Variants in CLPTM1L observed in about 807,000 individuals in gnomAD.
The protein encoded by CLPTM1L is CLPTM1 like.
Under a neutral mutation model 70.9 loss-of-function variants are expected in CLPTM1L, and 38 were observed. The observed-to-expected ratio is 0.54, with a 90% CI of 0.41 to 0.70. CLPTM1L has a LOEUF of 0.70. Ranked by LOEUF, CLPTM1L falls within the 30% of genes least tolerant of loss-of-function variation. CLPTM1L has a pLI of 0.00. For missense variants in CLPTM1L, 652 were observed against 705.9 expected (o/e 0.92, Z 0.87); for synonymous variants, 339 against 299.9 (o/e 1.13, Z -1.35).
intron 16 of CLPTM1L, among the ~76,000 whole-genome samples, chr5:1,319,337 C>T: frequency 9.9e-6 from 1 of 101,172 alleles, no homozygotes; most frequent in Non-Finnish European, 1.8e-5. Flanking sequence ...CGTGCAGGGG[C>T]TGCACGAGAC....
At chr5:1,330,440 C>T in intron 8 of CLPTM1L, 57 bp from the exon 9 acceptor site, 1 of 1,438,754 alleles carries the variant, frequency 7.0e-7, no homozygotes, top group Non-Finnish European at 9.8e-7. Flanking sequence ...ACCTGTGTTC[C>T]CCAAGTCACA....
At chr5:1,327,252 A>G (rs1173622765) in intron 9 of CLPTM1L, among the ~76,000 whole-genome samples, 21 of 125,510 alleles carry the variant, frequency 1.7e-4, no homozygotes, top group Non-Finnish European at 2.2e-4. Flanking sequence ...TCCTCGACAG[A>G]CACATTCCAT....
intron 4 of CLPTM1L, chr5:1,338,406 G>T (rs933777960): frequency 2.8e-5 from 7 of 252,754 alleles, no homozygotes; most frequent in South Asian, 1.1e-4. Context: ...TGGCGCAGGA[G>T]TTGGGGGGGG....
rs369245118 is a variant in CLPTM1L, at chr5:1,320,554, C to G, written c.1532+62G>C. 24 of 883,964 alleles carry G rather than the reference C, an allele frequency of 2.7e-5. No individual in the cohort carries two copies. The East Asian group carries it at 6.9e-4, about 25-fold the overall frequency. 54.8% of individuals were successfully genotyped at this position (883,964 alleles called of 1,614,324 possible). A position where few individuals can be genotyped will look rare whatever the true frequency, so the allele number is the denominator to read the frequency against. On this transcript the variant is annotated intron_variant, in intron 16 of 16. Coordinates refer to ENST00000320895, the MANE Select transcript of CLPTM1L (RefSeq NM_030782.5). The stretch of plus-strand genomic sequence containing the variant: ...CAGGGTGCGGTGAAAGCCGTCATTC[C>G]GTTCAGCAGCAGCCACGCCGCTGAG...
Position 1,337,997 on chromosome 5 carries a change from C to T in CLPTM1L, c.600-15G>A. 6.3e-7 allele frequency: 1 copy of T among 1,595,122 alleles called. No individual in the cohort carries two copies. The highest frequency in any genetic ancestry group is 8.5e-7 in the Non-Finnish European group (1 of 1,171,172). The stretch of plus-strand genomic sequence containing the variant: ...CCAGCTGGATCCTGGGATTAAAGCA[C>T]AACTTTCCAAAGTCAGCACCAAGGC... On this transcript the variant is annotated splice_polypyrimidine_tract_variant and intron_variant, in intron 4 of 16. Transcript: ENST00000320895.
chr5:1,339,036 T>A, intron 3 of CLPTM1L, 31 bp from the exon 4 acceptor site: 5 of 1,604,178 alleles, frequency 3.1e-6, no homozygotes, highest in Non-Finnish European at 4.3e-6. Context: ...AGGCCAATGC[T>A]GGGACAGAAA....
chr5:1,321,499 CAATATTCTTCAATGAAAGGG>C, intron 15 of CLPTM1L, 116 bp downstream of exon 15: 1 of 774,854 alleles, frequency 1.3e-6, no homozygotes, highest in South Asian at 1.6e-5. Context: ...GGAGCCTCCT[CAATATTCTTCAATGAAAGGG>C]ACAGGTGCAG....
intron 10 of CLPTM1L, 69 bp from the exon 11 acceptor site, chr5:1,324,882 T>A: frequency 7.0e-7 from 1 of 1,419,904 alleles, no homozygotes; most frequent in South Asian, 1.1e-5. Flanking sequence ...GAGCTGTGAC[T>A]AAGGGGCGTC....
intron 9 of CLPTM1L, among the ~76,000 whole-genome samples, chr5:1,327,784 CCCAGCTCCTCCTCTACAGACACATTCCAT>C (rs1561235836): frequency 2.2e-4 from 23 of 104,256 alleles, no homozygotes; most frequent in African/African-American, 6.5e-4. Flanking sequence ...GGACATTCCA[CCCAGCTCCTCCTCTACAGACACATTCCAT>C]CCAGCTCCTC....
intron 5 of CLPTM1L, among the ~76,000 whole-genome samples, chr5:1,336,294 T>C (rs1345609920): frequency 6.6e-6 from 1 of 152,184 alleles, no homozygotes; most frequent in African/African-American, 2.4e-5. Context: ...CTCTCGAATC[T>C]GGCCCCAAGT....
intron 6 of CLPTM1L, 23 bp from the exon 7 acceptor site, chr5:1,334,406 C>G (rs543054253): frequency 6.9e-6 from 10 of 1,443,060 alleles, no homozygotes; most frequent in Non-Finnish European, 9.7e-6. Context: ...AAAAAACATA[C>G]AATATAAAAC....
At chr5:1,343,637 G>C (rs1189043956) in intron 2 of CLPTM1L, among the ~76,000 whole-genome samples, 1 of 152,182 alleles carries the variant, frequency 6.6e-6, no homozygotes, top group African/African-American at 2.4e-5. Flanking sequence ...ACTGGCTTGA[G>C]GTCACAGGCC....
intron 7 of CLPTM1L, among the ~76,000 whole-genome samples, chr5:1,333,057 T>G: frequency 9.1e-6 from 1 of 109,596 alleles, no homozygotes; most frequent in African/African-American, 3.8e-5. Context: ...ACACACCGGA[T>G]GAGGATAAGG....
At position 1,318,750 on chromosome 5, in the gene CLPTM1L, G is replaced by A. The variant is rs900654507; in HGVS notation, c.1533-297C>T. On this transcript the variant is annotated intron_variant, in intron 16 of 16. Coordinates refer to ENST00000320895, the MANE Select transcript of CLPTM1L (RefSeq NM_030782.5). The surrounding 1 kb of genome is among the most constrained non-coding windows in gnomAD (Gnocchi z 8.9). ...TGAAGGGGGGACCCGGAGGCTGCACGGGCTGCCTTCTGGGAACGGTGGCAT... is the reference window on the plus strand; with the variant it reads ...TGAAGGGGGGACCCGGAGGCTGCACAGGCTGCCTTCTGGGAACGGTGGCAT... Among the ~76,000 whole-genome samples, 4 of 152,086 alleles carry A rather than the reference G, an allele frequency of 2.6e-5. No individual in the cohort carries two copies. Among genetic ancestry groups the A allele is most frequent in the African/African-American group, 7.2e-5 (3 of 41,398 alleles).
intron 15 of CLPTM1L, 124 bp from the exon 16 acceptor site, chr5:1,320,855 G>C: frequency 1.8e-6 from 1 of 565,726 alleles, no homozygotes; most frequent in East Asian, 3.2e-5. Context: ...ACTCCTCACA[G>C]CAACAACAAA....
chr5:1,334,651 G>T lies in CLPTM1L; in HGVS notation c.797-268C>A, dbSNP rs190939351. Among the ~76,000 whole-genome samples the T allele has an allele frequency of 2.5e-3, 375 of 152,160 alleles. 2 individuals carry two copies. Among genetic ancestry groups the T allele is most frequent in the Admixed American group, 6.0e-3 (91 of 15,284 alleles). ...CGCCTGTAATCCTAGCTACTGGGGG[G>T]ACTGAGGAACGAGAATCGCTTGAAT... is the stretch of plus-strand genomic sequence containing the variant. On this transcript the variant is annotated intron_variant, in intron 6 of 16. Coordinates refer to ENST00000320895, the MANE Select transcript of CLPTM1L (RefSeq NM_030782.5).
chr5:1,333,699 A>AGGGGGGACTACTGTATACACACCGGCT (rs1753340777), intron 7 of CLPTM1L, among the ~76,000 whole-genome samples: 44 of 40,304 alleles, frequency 1.1e-3, no homozygotes, highest in Admixed American at 2.6e-3. Flanking sequence ...ACACACCGCA[A>AGGGGGGACTACTGTATACACACCGGCT]GAGGATAAGG....
At chr5:1,323,993 T>C in intron 11 of CLPTM1L, 124 bp from the exon 12 acceptor site, 1 of 768,536 alleles carries the variant, frequency 1.3e-6, no homozygotes. Flanking sequence ...GTGGCAGGGC[T>C]GCTCTGCAGG....
intron 3 of CLPTM1L, among the ~76,000 whole-genome samples, chr5:1,341,413 A>G (rs755015325): frequency 3.3e-5 from 5 of 152,318 alleles, no homozygotes; most frequent in South Asian, 2.1e-4. Context: ...GAGAGGGCCC[A>G]TTCCCCGAGG....
Sources: gnomAD v4.1 joint callset for allele counts (sites outside exome capture counted in the v4.1 genomes callset) on GRCh38, gnomAD v4.1.1 for gene constraint, Gnocchi (gnomAD v3.1) non-coding constraint, MANE v1.5 for transcripts, NCBI Gene and HGNC (gene_info 2026-07-23, HGNC 2026-07-21) for gene names.